IL1RAP: variants seen among roughly 807,000 people sequenced by gnomAD.
IL1RAP encodes interleukin 1 receptor accessory protein.
In IL1RAP, 35 loss-of-function variants were observed where a neutral mutation model predicts 60.7. The observed-to-expected ratio is 0.58, with a 90% CI of 0.44 to 0.76. The LOEUF (loss-of-function observed/expected upper bound fraction) is 0.76. Among genes scored for constraint, IL1RAP ranks in the 30% least tolerant of loss-of-function variants. The probability of loss-of-function intolerance (pLI) is 0.00; values close to 1 mark genes in which losing one functional copy is unlikely to be tolerated. For synonymous variants in IL1RAP, 268 were observed against 250.9 expected, an observed-to-expected ratio of 1.07 and a Z score of -0.64; for missense variants, 572 against 693.9, an observed-to-expected ratio of 0.82 and a Z score of 1.97.
chr3:190,534,413 G>T (rs1467554341), intron 1 of IL1RAP, among the ~76,000 whole-genome samples: 2 of 152,140 alleles, frequency 1.3e-5, no homozygotes, highest in South Asian at 2.1e-4. Context: ...GGTCAGTCCA[G>T]CTCTTCCCAG....
chr3:190,649,343 A>G lies in IL1RAP; in HGVS notation c.*638A>G. The G allele has an allele frequency of 2.0e-6, 2 of 985,192 alleles. No individual in the cohort carries two copies. Among genetic ancestry groups the G allele is most frequent in the African/African-American group, 3.5e-5 (2 of 57,356 alleles). 61.0% of individuals were successfully genotyped at this position (985,192 alleles called of 1,614,324 possible). ...TCATCTCAGGTAATTTATGAAATCT[A>G]TGTAAACTTGAAAAATATTTCTTAA... On this transcript the variant is annotated 3_prime_UTR_variant, in exon 12 of 12. Transcript: ENST00000447382.
chr3:190,656,463 C>A (rs1300912263), downstream of IL1RAP: 22 of 1,537,108 alleles, frequency 1.4e-5, no homozygotes, highest in Admixed American at 3.1e-4. Flanking sequence ...GGGAGACACA[C>A]CTCTGTAAGC....
rs1341138831 is a variant in IL1RAP, at chr3:190,648,643, A to G, written c.1651A>G (p.Ser551Gly). 5.6e-6 allele frequency: 9 copies of G among 1,614,036 alleles called. No individual in the cohort carries two copies. The highest frequency in any genetic ancestry group is 1.7e-5 in the Admixed American group (1 of 59,994). The change falls in exon 12 of 12, where the codon AGT (serine) becomes GGT (glycine). Residue 551 changes from serine (S) to glycine (G), a missense_variant. Ser to Gly is a moderately conservative substitution (Grantham distance 56). Coordinates refer to ENST00000447382, the MANE Select transcript of IL1RAP (RefSeq NM_002182.4). ...QLQVAMPVKK[S>G]PRRSSSDEQG... is the part of the protein sequence containing the mutation. ...GCAGGTGGCCATGCCAGTGAAGAAAAGTCCCAGGCGGTCTAGCAGTGATGA... is the reference window on the plus strand; with the variant it reads ...GCAGGTGGCCATGCCAGTGAAGAAAGGTCCCAGGCGGTCTAGCAGTGATGA...
intron 3 of IL1RAP, among the ~76,000 whole-genome samples, chr3:190,585,513 T>C (rs1728374438): frequency 6.6e-6 from 1 of 152,122 alleles, no homozygotes; most frequent in Non-Finnish European, 1.5e-5. Context: ...TACTAATCAT[T>C]AACATGTGTC....
chr3:190,515,465 A>T (rs796813170), intron 1 of IL1RAP, among the ~76,000 whole-genome samples: 38 of 152,274 alleles, frequency 2.5e-4, no homozygotes, highest in African/African-American at 7.0e-4. Context: ...GAGGCATTTT[A>T]AAAAAATCTG....
intron 1 of IL1RAP, among the ~76,000 whole-genome samples, chr3:190,539,812 G>A (rs1044647432): frequency 7.9e-5 from 12 of 151,744 alleles, no homozygotes; most frequent in African/African-American, 2.7e-4. Context: ...CCCTAGTAGG[G>A]ACTTGCCATT....
intron 2 of IL1RAP, among the ~76,000 whole-genome samples, chr3:190,561,067 T>C (rs1470174020): frequency 2.0e-5 from 3 of 152,046 alleles, no homozygotes; most frequent in African/African-American, 7.2e-5. Flanking sequence ...AACAGCAGGG[T>C]CTGTTAGGCC....
chr3:190,551,056 T>G (rs574687639), intron 1 of IL1RAP, among the ~76,000 whole-genome samples: 95 of 152,328 alleles, frequency 6.2e-4, no homozygotes, highest in Admixed American at 6.1e-3. Context: ...ACCATGGGTT[T>G]GTATCTTCAA....
In IL1RAP at chr3:190,552,268, C is replaced by A. The variant is rs114267374; in HGVS notation, c.-88-3862C>A. On this transcript the variant is annotated intron_variant, in intron 1 of 11. Coordinates refer to ENST00000447382, the MANE Select transcript of IL1RAP (RefSeq NM_002182.4). ...CTTTTATAGCCCTTTACAAATTTTG[C>A]TAAAGAATAAATTAGTGCCTTAACA... is the stretch of plus-strand genomic sequence containing the variant. Among the ~76,000 whole-genome samples, 767 of 152,264 alleles carry A rather than the reference C, an allele frequency of 5.0e-3. 4 individuals carry two copies. Among genetic ancestry groups the A allele is most frequent in the African/African-American group, 0.018 (737 of 41,566 alleles).
At chr3:190,522,248 T>C (rs16865546) in intron 1 of IL1RAP, among the ~76,000 whole-genome samples, 35,560 of 151,722 alleles carry the variant, frequency 0.23, 4,332 homozygotes, top group Middle Eastern at 0.4. Context: ...GACTTAGTTT[T>C]CTCACCTGTA....
At chr3:190,541,617 G>T (rs1723944709) in intron 1 of IL1RAP, among the ~76,000 whole-genome samples, 1 of 152,030 alleles carries the variant, frequency 6.6e-6, no homozygotes, top group African/African-American at 2.4e-5. Context: ...TCTTTAATTT[G>T]TATTTTTATT....
chr3:190,566,558 G>A (rs1726419650), intron 3 of IL1RAP, among the ~76,000 whole-genome samples: 1 of 152,140 alleles, frequency 6.6e-6, no homozygotes, highest in Non-Finnish European at 1.5e-5. Flanking sequence ...TCATAATTCT[G>A]CCAGGGGAAG....
At chr3:190,534,913 TAAAAAAAA>T (rs77663032) in intron 1 of IL1RAP, among the ~76,000 whole-genome samples, 36 of 127,510 alleles carry the variant, frequency 2.8e-4, no homozygotes, top group Admixed American at 9.3e-4. Flanking sequence ...GTAAGAGAAT[TAAAAAAAA>T]AAAAAAAAAA....
chr3:190,630,258 C>G (rs1351237094), intron 9 of IL1RAP: 1 of 861,042 alleles, frequency 1.2e-6, no homozygotes, highest in African/African-American at 1.8e-5. Context: ...AATTATAAAG[C>G]CTTCTTGTCA....
At chr3:190,637,509 TC>T (rs1481020065) in intron 9 of IL1RAP, among the ~76,000 whole-genome samples, 9 of 152,150 alleles carry the variant, frequency 5.9e-5, no homozygotes, top group African/African-American at 2.2e-4. Flanking sequence ...TATCAATCCA[TC>T]TTATTTTCTG....
chr3:190,548,365 T>C (rs553569886), intron 1 of IL1RAP, among the ~76,000 whole-genome samples: 1 of 152,320 alleles, frequency 6.6e-6, no homozygotes, highest in African/African-American at 2.4e-5. Flanking sequence ...TTGTGATCCT[T>C]ATATCATCCT....
At chr3:190,601,842 G>C (rs1157846712) in intron 3 of IL1RAP, among the ~76,000 whole-genome samples, 1 of 152,138 alleles carries the variant, frequency 6.6e-6, no homozygotes, top group African/African-American at 2.4e-5. Context: ...TGTCTCAGCT[G>C]TCCTCTCTGT....
intron 1 of IL1RAP, among the ~76,000 whole-genome samples, chr3:190,550,777 A>G (rs1385981126): frequency 1.3e-5 from 2 of 152,232 alleles, no homozygotes; most frequent in African/African-American, 4.8e-5. Context: ...GTAGGCAAAA[A>G]CTTAAAAATA....
chr3:190,600,456 C>A (rs1200849980), intron 3 of IL1RAP, among the ~76,000 whole-genome samples: 1 of 152,188 alleles, frequency 6.6e-6, no homozygotes, highest in Non-Finnish European at 1.5e-5. Flanking sequence ...TACCTGACTG[C>A]ATGTGCCAGG....
Sources: allele counts gnomAD v4.1 joint callset (sites outside exome capture counted in the v4.1 genomes callset), GRCh38; gene constraint gnomAD v4.1.1; transcripts MANE v1.5; gene names NCBI Gene and HGNC (gene_info 2026-07-23, HGNC 2026-07-21).